Variants in ELAPOR2 observed in about 807,000 individuals in gnomAD.
The protein encoded by ELAPOR2 is endosome-lysosome associated apoptosis and autophagy regulator family member 2, also known as endosome/lysosome-associated apoptosis and autophagy regulator family member 2.
A neutral mutation model predicts 120.7 loss-of-function variants in ELAPOR2; 89 were observed. That is an observed-to-expected ratio of 0.74 (90% CI 0.62 to 0.88). ELAPOR2 has a LOEUF of 0.88. Among genes scored for constraint, ELAPOR2 ranks in the 40% least tolerant of loss-of-function variants. The pLI, the probability that ELAPOR2 is intolerant of heterozygous loss-of-function variation, is 0.00. For synonymous variants in ELAPOR2, 444 were observed against 444.9 expected (o/e 1.00, Z 0.03); for missense variants, 1,134 against 1,251.6 (o/e 0.91, Z 1.42).
At chr7:87,027,221 G>T (rs190186760) in intron 1 of ELAPOR2, among the ~76,000 whole-genome samples, 1 of 152,152 alleles carries the variant, frequency 6.6e-6, no homozygotes, top group Admixed American at 6.6e-5. Flanking sequence ...TAGCTTGCTG[G>T]TTCTACTGTT....
rs1254877491 is a variant in ELAPOR2 at position 86,912,085 on chromosome 7, A to G, written c.2156T>C (p.Leu719Ser). The G allele has an allele frequency of 6.2e-7, 1 of 1,608,072 alleles. No individual in the cohort carries two copies. Among genetic ancestry groups the G allele is most frequent in the Non-Finnish European group, 8.5e-7 (1 of 1,175,120 alleles). Residue 719 changes from leucine (L) to serine (S), a missense_variant, in exon 15 of 22, where the codon TTA becomes TCA. Transcript: ENST00000450689. ...GCCAGAACTCACCTCATGCCCACAT[A>G]AACTGATATTGAAGAAATGGAAGTA... is the stretch of plus-strand genomic sequence containing the variant. ...TKYFHFFNIS[L>S]CGHEGKKMAL...
At chr7:87,053,317 T>A (rs1427326359) in intron 1 of ELAPOR2, among the ~76,000 whole-genome samples, 2 of 152,198 alleles carry the variant, frequency 1.3e-5, no homozygotes, top group Non-Finnish European at 2.9e-5. Context: ...TGAAAGATAG[T>A]ACTGTTTGCT....
At chr7:87,034,816 C>T (rs976068246) in intron 1 of ELAPOR2, among the ~76,000 whole-genome samples, 1 of 152,138 alleles carries the variant, frequency 6.6e-6, no homozygotes. Flanking sequence ...GGCGCAGTGG[C>T]TCACGACTGT....
intron 21 of ELAPOR2, among the ~76,000 whole-genome samples, chr7:86,886,655 G>A (rs2115775957): frequency 6.6e-6 from 1 of 152,202 alleles, no homozygotes; most frequent in African/African-American, 2.4e-5. Context: ...GGTAGAAAAG[G>A]CTGAATAAGC....
intron 1 of ELAPOR2, among the ~76,000 whole-genome samples, chr7:87,049,729 T>G (rs914276082): frequency 1.3e-5 from 2 of 152,162 alleles, no homozygotes; most frequent in Non-Finnish European, 2.9e-5. Flanking sequence ...GAAAGGAGCA[T>G]GCATAACACA....
chr7:87,031,010 A>C (rs909131023), intron 1 of ELAPOR2, among the ~76,000 whole-genome samples: 1 of 152,184 alleles, frequency 6.6e-6, no homozygotes, highest in Admixed American at 6.5e-5. Context: ...TTATAAAACC[A>C]TCAGATCGCA....
intron 19 of ELAPOR2, among the ~76,000 whole-genome samples, chr7:86,896,530 T>A (rs1024539197): frequency 6.6e-6 from 1 of 152,100 alleles, no homozygotes; most frequent in Non-Finnish European, 1.5e-5. Flanking sequence ...AAGACCTTCC[T>A]GGGCAGAACT....
intron 1 of ELAPOR2, among the ~76,000 whole-genome samples, chr7:86,986,776 G>C (rs1792756689): frequency 1.3e-5 from 2 of 151,430 alleles, no homozygotes; most frequent in Non-Finnish European, 2.9e-5. Flanking sequence ...ACTGCCCAAG[G>C]TAATTTATAG....
chr7:86,944,878 C>G (rs1382613989), intron 4 of ELAPOR2, 21 bp downstream of exon 4: 3 of 1,514,406 alleles, frequency 2.0e-6, no homozygotes, highest in Non-Finnish European at 2.6e-6. Context: ...AAAGTAAATT[C>G]CAGAATACAA....
intron 2 of ELAPOR2, among the ~76,000 whole-genome samples, chr7:86,963,851 T>C (rs1431003406): frequency 6.6e-6 from 1 of 152,210 alleles, no homozygotes; most frequent in African/African-American, 2.4e-5. Flanking sequence ...CTTAAGACTG[T>C]TGCTACACTG....
intron 1 of ELAPOR2, among the ~76,000 whole-genome samples, chr7:87,014,313 A>G (rs1287537690): frequency 1.3e-5 from 2 of 152,166 alleles, no homozygotes; most frequent in Non-Finnish European, 2.9e-5. Context: ...TCTAGGACCA[A>G]TTGTTCAGTA....
Position 86,947,836 on chromosome 7 carries a change from C to T in ELAPOR2, c.397G>A (p.Gly133Ser). Residue 133 changes from glycine (G) to serine (S), a missense_variant, in exon 3 of 22, where the codon GGC (glycine) becomes AGC (serine). Physicochemically the swap from Gly to Ser is moderately conservative, Grantham distance 56. This residue lies in a region of ELAPOR2 where 280 missense variants were observed against 331.5 expected (regional missense o/e 0.84). Coordinates refer to ENST00000450689, the MANE Select transcript of ELAPOR2 (RefSeq NM_001142749.3). ...CGEGTYSLGSGIKFDEWDELP... is the reference protein window; with the variant it reads ...CGEGTYSLGSSIKFDEWDELP... The stretch of plus-strand genomic sequence containing the variant: ...TCATCCCATTCATCAAATTTGATGC[C>T]ACTGCCCAAGGAATAGGTGCCTTCA... 1.9e-6 allele frequency: 3 copies of T among 1,552,024 alleles called. 1 individual carries two copies. The South Asian group carries it at 3.6e-5, about 18-fold the overall frequency.
At chr7:86,900,249 C>T (rs979488442) in intron 18 of ELAPOR2, among the ~76,000 whole-genome samples, 3 of 151,804 alleles carry the variant, frequency 2.0e-5, no homozygotes, top group African/African-American at 7.3e-5. Context: ...AAGGAGAAAA[C>T]TAATCAAAGT....
In ELAPOR2 at chr7:86,905,059, G is replaced by T. The variant is rs554233155; in HGVS notation, c.2558+2611C>A. ...GATGAATGAATGAATGAATGAGAAA[G>T]ACAGAGAGAGAGAAGGAAGGAAGGA... On this transcript the variant is annotated intron_variant, in intron 18 of 21. Coordinates refer to ENST00000450689, the MANE Select transcript of ELAPOR2 (RefSeq NM_001142749.3). Among the ~76,000 whole-genome samples, 12 of 142,098 alleles carry T rather than the reference G, an allele frequency of 8.4e-5. No homozygotes were observed. In the South Asian group the frequency reaches 2.7e-3, roughly 32 times the overall value. The allele number at this position is 142,098 out of a possible 152,430, so 93.2% of individuals were successfully genotyped here. A position where few individuals can be genotyped will look rare whatever the true frequency, so the allele number is the denominator to read the frequency against.
chr7:86,984,130 G>C (rs1028864979), intron 1 of ELAPOR2, among the ~76,000 whole-genome samples: 2 of 152,122 alleles, frequency 1.3e-5, no homozygotes, highest in Non-Finnish European at 2.9e-5. Context: ...AACAAGAAGA[G>C]CTAACTGTCC....
intron 2 of ELAPOR2, 92 bp downstream of exon 2, chr7:86,964,812 T>C: frequency 1.5e-6 from 2 of 1,367,132 alleles, no homozygotes. Flanking sequence ...TTTTGTAAGG[T>C]CTCCTACATT....
intron 1 of ELAPOR2, among the ~76,000 whole-genome samples, chr7:86,967,470 A>G (rs1396611038): frequency 6.6e-6 from 1 of 152,152 alleles, no homozygotes; most frequent in Admixed American, 6.6e-5. Context: ...AAAATAAAAT[A>G]AAATAATGTC....
intron 1 of ELAPOR2, among the ~76,000 whole-genome samples, chr7:87,002,094 A>G (rs925595564): frequency 6.6e-6 from 1 of 152,138 alleles, no homozygotes; most frequent in African/African-American, 2.4e-5. Flanking sequence ...ATGTCAAGGA[A>G]CCCAGCCAGC....
At chr7:87,003,594 C>T (rs1453858741) in intron 1 of ELAPOR2, among the ~76,000 whole-genome samples, 1 of 152,118 alleles carries the variant, frequency 6.6e-6, no homozygotes, top group Non-Finnish European at 1.5e-5. Context: ...TCAGCCATGC[C>T]TCCTGGACAG....
Sources: allele counts gnomAD v4.1 joint callset (sites outside exome capture counted in the v4.1 genomes callset), GRCh38; gene constraint gnomAD v4.1.1; regional missense constraint gnomAD v4.1.1; transcripts MANE v1.5; gene names NCBI Gene and HGNC (gene_info 2026-07-23, HGNC 2026-07-21).